The following RBM6 variants were observed in gnomAD, a reference collection of about 807,000 sequenced individuals.
The protein encoded by RBM6 is RNA-binding protein 6.
RBM6 carries 23 observed loss-of-function variants against 140.4 expected under a neutral mutation model. The ratio of observed to expected loss-of-function variants is 0.16; its 90% CI spans 0.12 to 0.23. The LOEUF (loss-of-function observed/expected upper bound fraction) is 0.23, where lower values mean the gene tolerates loss of function less well. Ranked by LOEUF, RBM6 falls within the 10% of genes least tolerant of loss-of-function variation. The probability of loss-of-function intolerance (pLI) is 1.00; values close to 1 mark genes in which losing one functional copy is unlikely to be tolerated. For synonymous variants in RBM6, 439 were observed against 475.6 expected (o/e 0.92, Z 1.00); for missense variants, 1,139 against 1,386.7 (o/e 0.82, Z 2.84).
chr3:49,942,483 C>T (rs973391395), intron 1 of RBM6, among the ~76,000 whole-genome samples: 3 of 142,394 alleles, frequency 2.1e-5, no homozygotes, highest in South Asian at 2.2e-4. Context: ...AGCGAGACTC[C>T]GAGACTCCAT....
chr3:50,026,566 A>T (rs1307509619), intron 6 of RBM6, among the ~76,000 whole-genome samples: 2 of 150,976 alleles, frequency 1.3e-5, no homozygotes, highest in Non-Finnish European at 3.0e-5. Context: ...TTTTTAGTAA[A>T]GCCAGAGTCC....
rs562582719 is a variant in RBM6 at position 49,952,160 on chromosome 3, G to A, written c.-66-10416G>A. ...AGTGATTCTCCTGCCTCAGCCTCCCGAGTATATAGGACTACAGGTGTGTGC... is the reference window on the plus strand; with the variant it reads ...AGTGATTCTCCTGCCTCAGCCTCCCAAGTATATAGGACTACAGGTGTGTGC... On this transcript the variant is annotated intron_variant, in intron 1 of 20. Coordinates refer to ENST00000266022, the MANE Select transcript of RBM6 (RefSeq NM_005777.3). Among the ~76,000 whole-genome samples, 6 of 151,948 alleles carry A rather than the reference G, an allele frequency of 3.9e-5. No homozygotes were observed. In the South Asian group the frequency reaches 8.3e-4, roughly 21 times the overall value.
At chr3:50,003,672 A>G (rs533100809) in intron 6 of RBM6, among the ~76,000 whole-genome samples, 1 of 152,304 alleles carries the variant, frequency 6.6e-6, no homozygotes, top group South Asian at 2.1e-4. Context: ...CCTGGTGCCT[A>G]GATCAAGCTG....
At chr3:50,076,006 T>A (rs902067942) in intron 20 of RBM6, among the ~76,000 whole-genome samples, 4 of 151,538 alleles carry the variant, frequency 2.6e-5, no homozygotes, top group African/African-American at 9.7e-5. Context: ...TCTTGCTCTG[T>A]CGCCCAGGCT....
intron 6 of RBM6, among the ~76,000 whole-genome samples, chr3:50,045,316 C>T (rs1160550064): frequency 6.6e-6 from 1 of 152,154 alleles, no homozygotes; most frequent in Non-Finnish European, 1.5e-5. Context: ...AAATGACAAC[C>T]CACATGTTTT....
At chr3:50,061,924 A>T in intron 14 of RBM6, 38 bp from the exon 15 acceptor site, 1 of 1,594,344 alleles carries the variant, frequency 6.3e-7, no homozygotes, top group South Asian at 1.1e-5. Context: ...GGAAACTGAA[A>T]CATTCTGTAG....
chr3:49,989,135 T>TA (rs1275529688), intron 5 of RBM6, among the ~76,000 whole-genome samples: 4 of 152,154 alleles, frequency 2.6e-5, no homozygotes, highest in African/African-American at 9.7e-5. Context: ...CCTAATGACT[T>TA]ATCAACTGGG....
At chr3:50,048,194 G>C (rs755920675) in intron 6 of RBM6, 51 bp from the exon 7 acceptor site, 17 of 1,597,088 alleles carry the variant, frequency 1.1e-5, no homozygotes, top group Non-Finnish European at 1.4e-5. Context: ...TTCTGTCTCT[G>C]TCTGTTTCTC....
intron 1 of RBM6, among the ~76,000 whole-genome samples, chr3:49,951,442 G>C (rs1450055087): frequency 1.3e-5 from 2 of 152,130 alleles, no homozygotes; most frequent in East Asian, 3.9e-4. Context: ...TGCCCAGGCT[G>C]GTCTCGAACT....
At chr3:49,949,075 G>T (rs2108578308) in intron 1 of RBM6, among the ~76,000 whole-genome samples, 1 of 150,846 alleles carries the variant, frequency 6.6e-6, no homozygotes, top group South Asian at 2.1e-4. Flanking sequence ...GTGATCCGCT[G>T]GCCTCAGCCT....
At chr3:50,036,563 G>A (rs1418269528) in intron 6 of RBM6, among the ~76,000 whole-genome samples, 2 of 151,824 alleles carry the variant, frequency 1.3e-5, no homozygotes, top group African/African-American at 2.4e-5. Context: ...TTATATTGTA[G>A]CAGCCATGAT....
At chr3:49,966,948 A>G (rs930048954) in intron 2 of RBM6, among the ~76,000 whole-genome samples, 19 of 152,108 alleles carry the variant, frequency 1.2e-4, no homozygotes, top group African/African-American at 4.3e-4. Context: ...GCCTGCATCC[A>G]TTTTGATTGG....
At chr3:50,052,814 G>A (rs948131987) in intron 7 of RBM6, among the ~76,000 whole-genome samples, 1 of 152,148 alleles carries the variant, frequency 6.6e-6, no homozygotes, top group South Asian at 2.1e-4. Context: ...GGAGAGAGAG[G>A]TTCATTCACG....
At position 49,968,593 on chromosome 3, in the gene RBM6, G is replaced by A. The variant is rs148635727; in HGVS notation, c.1168G>A (p.Gly390Ser). The A allele has an allele frequency of 1.4e-3, 2,209 of 1,614,058 alleles. 28 individuals carry two copies. The African/African-American group carries it at 0.026, about 19-fold the overall frequency. ...TGCTGGTCTGTTTAAAGAAGAAGGC[G>A]GTCTGGACTTTCTTGGGCGGCAAGA... ...SDAGLFKEEG[G>S]LDFLGRQDTD... Residue 390 changes from glycine (G) to serine (S), a missense_variant, in exon 3 of 21, where the codon GGT becomes AGT. By Grantham distance (56) the Gly-to-Ser change is moderately conservative (BLOSUM62 0). Around this residue, in one of 9 missense-constraint regions of RBM6, gnomAD observed 566 missense variants for 612.7 expected, o/e 0.92. Transcript: ENST00000266022.
chr3:50,065,277 A>T lies in RBM6; in HGVS notation c.2682+151A>T, dbSNP rs536506815. On this transcript the variant is annotated intron_variant, in intron 16 of 20. Transcript: ENST00000266022. ...AAGGATTCCCATTTCTTTTGAGTAC[A>T]AGCATGAGATAAAGTTTTCTGTCTG... 4.3e-4 allele frequency: 277 copies of T among 641,846 alleles called. 4 individuals are homozygous for T. The South Asian group carries it at 5.2e-3, about 12-fold the overall frequency. The allele number at this position is 641,846 out of a possible 1,614,324, so 39.8% of individuals were successfully genotyped here.
At chr3:50,018,065 A>C (rs2087262609) in intron 6 of RBM6, among the ~76,000 whole-genome samples, 1 of 152,054 alleles carries the variant, frequency 6.6e-6, no homozygotes. Flanking sequence ...TCAAGGGTTC[A>C]CTCTGGGTGT....
chr3:49,974,917 C>A (rs1413686494), intron 4 of RBM6, among the ~76,000 whole-genome samples: 1 of 151,540 alleles, frequency 6.6e-6, no homozygotes, highest in African/African-American at 2.4e-5. Flanking sequence ...GAACTCCTGA[C>A]CTCAGGTTAT....
intron 1 of RBM6, among the ~76,000 whole-genome samples, chr3:49,959,212 G>C (rs1368761348): frequency 7.9e-6 from 1 of 126,494 alleles, no homozygotes; most frequent in African/African-American, 3.1e-5. Context: ...TTTTTGAGAT[G>C]GAGTCTCGCT....
At chr3:50,064,556 G>A (rs1174893886) in intron 15 of RBM6, among the ~76,000 whole-genome samples, 1 of 151,902 alleles carries the variant, frequency 6.6e-6, no homozygotes, top group East Asian at 1.9e-4. Context: ...CTGTCACCCA[G>A]GCTGGAATGG....
Sources: allele counts gnomAD v4.1 joint callset (sites outside exome capture counted in the v4.1 genomes callset), GRCh38; gene constraint gnomAD v4.1.1; regional missense constraint gnomAD v4.1.1; transcripts MANE v1.5; gene names NCBI Gene and HGNC (gene_info 2026-07-23, HGNC 2026-07-21).